The following NOD1 variants were observed in gnomAD, a reference collection of about 807,000 sequenced individuals.
NOD1 encodes nucleotide-binding oligomerization domain-containing protein 1.
A neutral mutation model predicts 81.2 loss-of-function variants in NOD1; 70 were observed. That is an observed-to-expected ratio of 0.86 (90% confidence interval 0.71 to 1.05). NOD1 has a LOEUF of 1.05. Among genes scored for constraint, NOD1 ranks in the 50% least tolerant of loss-of-function variants. NOD1 has a pLI of 0.00. For synonymous variants in NOD1, 508 were observed against 526.9 expected, an observed-to-expected ratio of 0.96 and a Z score of 0.49; for missense variants, 1,233 against 1,228.0, an observed-to-expected ratio of 1.00 and a Z score of -0.06.
At chr7:30,436,220 T>A (rs1257818878) in intron 10 of NOD1, 139 bp from the exon 11 acceptor site, 1 of 664,508 alleles carries the variant, frequency 1.5e-6, no homozygotes, top group Middle Eastern at 2.5e-4. Flanking sequence ...GCAGAAGTGT[T>A]CAGCTGCAGC....
intron 3 of NOD1, 110 bp from the exon 4 acceptor site, chr7:30,457,152 A>T: frequency 1.9e-6 from 1 of 540,004 alleles, no homozygotes; most frequent in South Asian, 2.1e-5. Context: ...AACCATGCTT[A>T]AGACCTTTAT....
At chr7:30,459,535 CAG>C (rs1172804012) in intron 2 of NOD1, among the ~76,000 whole-genome samples, 1 of 151,832 alleles carries the variant, frequency 6.6e-6, no homozygotes, top group African/African-American at 2.4e-5. Context: ...CCATTAGAAA[CAG>C]AAAAAAAATA....
chr7:30,460,703 C>G lies in NOD1; in HGVS notation c.-351-662G>C, dbSNP rs563475597. ...GAGGCAAAGGCAGGTGGGGGTAGAG[C>G]CTGTGGGCAGTGAGGGAGCCCCGAA... On this transcript the variant is annotated intron_variant, in intron 1 of 13. Transcript: ENST00000222823. The G allele has an allele frequency of 9.1e-6, 9 of 984,826 alleles. No homozygotes were observed. The African/African-American group carries it at 1.6e-4, about 17-fold the overall frequency. The allele number at this position is 984,826 out of a possible 1,614,324, so 61.0% of individuals were successfully genotyped here. A position where few individuals can be genotyped will look rare whatever the true frequency, so the allele number is the denominator to read the frequency against.
chr7:30,459,388 A>T (rs1583816303), intron 2 of NOD1, 148 bp from the exon 3 acceptor site: 1 of 152,374 alleles, frequency 6.6e-6, no homozygotes, highest in East Asian at 1.9e-4. Context: ...GTGTTTTCTA[A>T]ATGTTCAACG....
At chr7:30,462,201 A>G (rs74839208) in intron 1 of NOD1, among the ~76,000 whole-genome samples, 1,624 of 152,312 alleles carry the variant, frequency 0.011, 28 homozygotes, top group African/African-American at 0.035. Context: ...GCTGCATACA[A>G]TTTTGCAGCT....
rs1358561116 is a variant in NOD1 at position 30,436,042 on chromosome 7, G to A, written c.2577C>T (p.Ser859=). The A allele has an allele frequency of 1.2e-6, 2 of 1,614,142 alleles. No individual in the cohort carries two copies. The highest frequency in any genetic ancestry group is 2.2e-5 in the South Asian group (2 of 91,088). The part of the protein sequence containing the change: ...SNGISTEGGK[S]LARALQQNTS... ...TGTTCTGCTGCAGGGCCCTCGCAAG[G>A]CTCTTTCCTCCTTCTGTGGAGATGC... The change falls in exon 11 of 14, where the codon AGC becomes AGT. Residue 859 remains serine (S), a synonymous_variant. Coordinates refer to ENST00000222823, the MANE Select transcript of NOD1 (RefSeq NM_006092.4).
Position 30,452,865 on chromosome 7 carries a change from C to A in NOD1, c.552G>T (p.Leu184=). Residue 184 remains leucine, a synonymous_variant, in exon 6 of 14, where the codon CTG becomes CTT. Transcript: ENST00000222823. ...LGSLNSLACL[L]DHTTGILNEQ... ...CATTGAGGATGCCGGTGGTGTGGTCCAGGAGGCAGGCCAGGCTGTTCAGGC... is the reference window on the plus strand; with the variant it reads ...CATTGAGGATGCCGGTGGTGTGGTCAAGGAGGCAGGCCAGGCTGTTCAGGC... 1.2e-6 allele frequency: 2 copies of A among 1,614,080 alleles called. No homozygotes were observed. Among genetic ancestry groups the A allele is most frequent in the Non-Finnish European group, 1.7e-6 (2 of 1,180,024 alleles).
intron 12 of NOD1, 109 bp downstream of exon 12, chr7:30,432,987 C>A: frequency 1.2e-6 from 1 of 815,410 alleles, no homozygotes; most frequent in Non-Finnish European, 2.0e-6. Flanking sequence ...CACTAAAAAC[C>A]TCTGAATTGT....
At chr7:30,462,760 C>A (rs1284815049) in intron 1 of NOD1, among the ~76,000 whole-genome samples, 3 of 151,896 alleles carry the variant, frequency 2.0e-5, no homozygotes, top group Non-Finnish European at 1.5e-5. Flanking sequence ...ACCAGCCTGG[C>A]CAACATTGTG....
At chr7:30,446,293 C>T in intron 8 of NOD1, 69 bp from the exon 9 acceptor site, 1 of 1,129,888 alleles carries the variant, frequency 8.9e-7, no homozygotes, top group African/African-American at 1.5e-5. Flanking sequence ...ACCCTCCTCC[C>T]CAGCACAGAG....
intron 1 of NOD1, among the ~76,000 whole-genome samples, chr7:30,476,348 G>A (rs1788780215): frequency 6.6e-6 from 1 of 152,194 alleles, no homozygotes; most frequent in Non-Finnish European, 1.5e-5. Flanking sequence ...ACTGCTGTTA[G>A]GATCAAAGTG....
chr7:30,455,339 G>A (rs755201486), intron 4 of NOD1, 28 bp from the exon 5 acceptor site: 18 of 1,599,194 alleles, frequency 1.1e-5, no homozygotes, highest in South Asian at 8.9e-5. Flanking sequence ...ATGAGGGCAC[G>A]GGCTGGCATG....
At chr7:30,436,214 A>C (rs1054960294) in intron 10 of NOD1, 133 bp from the exon 11 acceptor site, 6 of 684,494 alleles carry the variant, frequency 8.8e-6, no homozygotes, top group South Asian at 7.0e-5. Context: ...CAGGATGCAG[A>C]AGTGTTCAGC....
chr7:30,437,179 A>T lies in NOD1; in HGVS notation c.2537+394T>A, dbSNP rs199476275. Among the ~76,000 whole-genome samples the T allele has an allele frequency of 6.6e-6, 1 of 152,216 alleles. No individual in the cohort carries two copies. The highest frequency in any genetic ancestry group is 1.9e-4 in the East Asian group (1 of 5,158). ...CGTAAGTGGGAGTTGAACAATGAGA[A>T]CACATGGACACATGGAGGGGAACAA... is the stretch of plus-strand genomic sequence containing the variant. On this transcript the variant is annotated intron_variant, in intron 10 of 13. Transcript: ENST00000222823.
At position 30,436,086 on chromosome 7, in the gene NOD1, G is replaced by A. The variant is rs780067573; in HGVS notation, c.2538-5C>T. ...GAGATGCCGTTGGACGCAAGACTAG[G>A]AAGGAACACACTTGGGGTGAATTAT... On this transcript the variant is annotated splice_region_variant and splice_polypyrimidine_tract_variant and intron_variant, in intron 10 of 13. Coordinates refer to ENST00000222823, the MANE Select transcript of NOD1 (RefSeq NM_006092.4). 6.2e-7 allele frequency: 1 copy of A among 1,611,018 alleles called. No homozygotes were observed. Among genetic ancestry groups the A allele is most frequent in the South Asian group, 1.1e-5 (1 of 91,020 alleles).
At chr7:30,459,797 C>G (rs1196132785) in intron 2 of NOD1, 104 bp downstream of exon 2, 1 of 152,596 alleles carries the variant, frequency 6.6e-6, no homozygotes, top group Non-Finnish European at 1.5e-5. Flanking sequence ...TTTGCAATGC[C>G]ATGCTCCATT....
chr7:30,468,403 A>G (rs984132713), intron 1 of NOD1, among the ~76,000 whole-genome samples: 6 of 152,312 alleles, frequency 3.9e-5, no homozygotes, highest in South Asian at 2.1e-4. Flanking sequence ...TCAGCTCCCC[A>G]ACCCAAATGG....
intron 9 of NOD1, among the ~76,000 whole-genome samples, chr7:30,445,652 G>A (rs1045314906): frequency 2.6e-5 from 4 of 150,992 alleles, no homozygotes; most frequent in South Asian, 4.2e-4. Flanking sequence ...CCAGCTACTC[G>A]TGTGGCTGAG....
Position 30,451,132 on chromosome 7 carries a change from T to C in NOD1, c.2201+84A>G, listed in dbSNP as rs1785647993. 1 of 1,456,326 alleles carries C rather than the reference T, an allele frequency of 6.9e-7. No homozygotes were observed. The highest frequency in any genetic ancestry group is 9.3e-7 in the Non-Finnish European group (1 of 1,077,666). The allele number at this position is 1,456,326 out of a possible 1,614,324, so 90.2% of individuals were successfully genotyped here. A position where few individuals can be genotyped will look rare whatever the true frequency, so the allele number is the denominator to read the frequency against. On this transcript the variant is annotated intron_variant, in intron 6 of 13. Coordinates refer to ENST00000222823, the MANE Select transcript of NOD1 (RefSeq NM_006092.4). The surrounding 1 kb of genome is among the most constrained non-coding windows in gnomAD (Gnocchi z 4.2). Reference sequence around the variant, plus strand: ...GGCCATGGTCATGAGTCCTGGGGGATCCTGGTCCATGATGCCATTCCCGAT... The same window carrying C: ...GGCCATGGTCATGAGTCCTGGGGGACCCTGGTCCATGATGCCATTCCCGAT...
Sources: gnomAD v4.1 joint callset for allele counts (sites outside exome capture counted in the v4.1 genomes callset) on GRCh38, gnomAD v4.1.1 for gene constraint, Gnocchi (gnomAD v3.1) non-coding constraint, MANE v1.5 for transcripts, NCBI Gene and HGNC (gene_info 2026-07-23, HGNC 2026-07-21) for gene names.